COL19A1: variants seen among roughly 807,000 people sequenced by gnomAD.
COL19A1 encodes the protein collagen type XIX alpha 1 chain.
Under a neutral mutation model 190.2 loss-of-function variants are expected in COL19A1, and 159 were observed. The observed-to-expected ratio is 0.84, with a 90% CI of 0.73 to 0.95. The LOEUF (loss-of-function observed/expected upper bound fraction) is 0.95, where lower values mean the gene tolerates loss of function less well. COL19A1 is among the 40% of genes least tolerant of loss of function. The pLI is 0.00. For synonymous variants in COL19A1, 509 were observed against 458.9 expected, an observed-to-expected ratio of 1.11 and a Z score of -1.39; for missense variants, 1,418 against 1,431.9, an observed-to-expected ratio of 0.99 and a Z score of 0.16.
At chr6:70,137,555 C>T in intron 18 of COL19A1, 130 bp from the exon 19 acceptor site, 2 of 782,784 alleles carry the variant, frequency 2.6e-6, no homozygotes, top group South Asian at 4.0e-5. Flanking sequence ...CAGAACTTTG[C>T]ATTGTCTGTT....
Position 70,175,442 on chromosome 6 carries a change from A to G in COL19A1, c.2623-1078A>G, listed in dbSNP as rs571572517. ...ATAATGTATATTATTTTATTTTTAT[A>G]TAAATCTATGTGGAATTCATATGGG... is the stretch of plus-strand genomic sequence containing the variant. On this transcript the variant is annotated intron_variant, in intron 41 of 50. Coordinates refer to ENST00000620364, the MANE Select transcript of COL19A1 (RefSeq NM_001858.6). 2.0e-5 allele frequency among the ~76,000 whole-genome samples: 3 copies of G among 152,078 alleles called. No individual in the cohort carries two copies. In the East Asian group the frequency reaches 5.8e-4, roughly 29 times the overall value.
rs546764279 is a variant in COL19A1 at position 69,963,703 on chromosome 6, A to G, written c.1026+833A>G. Among the ~76,000 whole-genome samples the G allele has an allele frequency of 2.6e-5, 4 of 152,320 alleles. No individual in the cohort carries two copies. The South Asian group carries it at 8.3e-4, about 32-fold the overall frequency. On this transcript the variant is annotated intron_variant, in intron 11 of 50. Transcript: ENST00000620364. ...GGTGGACAGTGGATCATGAGAGACCAATGGCAGATGCCAGCCCACTAATCT... is the reference window on the plus strand; with the variant it reads ...GGTGGACAGTGGATCATGAGAGACCGATGGCAGATGCCAGCCCACTAATCT...
chr6:70,019,772 A>G (rs1778316117), intron 11 of COL19A1, among the ~76,000 whole-genome samples: 1 of 152,138 alleles, frequency 6.6e-6, no homozygotes. Flanking sequence ...AACACAAGAA[A>G]CAATCTAAAT....
At chr6:70,007,514 T>G (rs1275425437) in intron 11 of COL19A1, among the ~76,000 whole-genome samples, 1 of 151,918 alleles carries the variant, frequency 6.6e-6, no homozygotes, top group Non-Finnish European at 1.5e-5. Flanking sequence ...AAAGGGCCAA[T>G]ATAGCAGGAA....
intron 16 of COL19A1, among the ~76,000 whole-genome samples, chr6:70,108,994 A>C (rs1784128365): frequency 6.6e-6 from 1 of 152,164 alleles, no homozygotes; most frequent in Non-Finnish European, 1.5e-5. Context: ...ACTATGTGTT[A>C]ATCACTATTA....
intron 18 of COL19A1, among the ~76,000 whole-genome samples, chr6:70,131,498 A>G (rs1221720801): frequency 6.6e-6 from 1 of 152,224 alleles, no homozygotes; most frequent in East Asian, 1.9e-4. Context: ...ATTCTGAAAA[A>G]GACATCCAAA....
At chr6:70,063,218 C>T (rs1398254142) in intron 14 of COL19A1, among the ~76,000 whole-genome samples, 2 of 151,950 alleles carry the variant, frequency 1.3e-5, no homozygotes, top group African/African-American at 4.8e-5. Context: ...CAAAATTGAC[C>T]ACATAGTTGG....
chr6:69,875,820 A>G (rs1407458686), intron 1 of COL19A1, among the ~76,000 whole-genome samples: 3 of 152,208 alleles, frequency 2.0e-5, no homozygotes, highest in African/African-American at 4.8e-5. Context: ...CACACAGTCT[A>G]AAGTTCAGTC....
At chr6:70,097,314 A>G (rs1464060191) in intron 15 of COL19A1, among the ~76,000 whole-genome samples, 1 of 151,956 alleles carries the variant, frequency 6.6e-6, no homozygotes, top group African/African-American at 2.4e-5. Flanking sequence ...CCTATGACTG[A>G]TTTATTTTAC....
intron 4 of COL19A1, among the ~76,000 whole-genome samples, chr6:69,923,545 A>G (rs1466286766): frequency 6.6e-6 from 1 of 152,176 alleles, no homozygotes; most frequent in African/African-American, 2.4e-5. Flanking sequence ...ATCAGTGGCA[A>G]TTGTTTAATA....
chr6:70,044,214 A>G (rs1779786012), intron 14 of COL19A1, among the ~76,000 whole-genome samples: 1 of 152,202 alleles, frequency 6.6e-6, no homozygotes, highest in South Asian at 2.1e-4. Context: ...ATTTAAGGGA[A>G]TGTTGTGGTT....
intron 2 of COL19A1, among the ~76,000 whole-genome samples, chr6:69,898,486 T>C (rs1214483676): frequency 6.6e-6 from 1 of 152,178 alleles, no homozygotes; most frequent in Non-Finnish European, 1.5e-5. Flanking sequence ...GTAGAGATCT[T>C]TGCTTTTTAA....
chr6:70,188,145 A>AG lies in COL19A1; in HGVS notation c.2932dup (p.Ala978GlyfsTer34), dbSNP rs765681785. 1.2e-6 allele frequency: 2 copies of AG among 1,613,888 alleles called. No individual in the cohort carries two copies. Among genetic ancestry groups the AG allele is most frequent in the African/African-American group, 2.7e-5 (2 of 74,924 alleles). On this transcript the variant is annotated frameshift_variant, in exon 47 of 51. Coordinates refer to ENST00000620364, the MANE Select transcript of COL19A1 (RefSeq NM_001858.6). LOFTEE classifies it high-confidence loss of function. ...GGAAAACCAGGCCTTACAGGCATGA[A>AG]GGGGGCCATCGGTCCTATGGGTCCA...
chr6:70,151,529 C>A, intron 31 of COL19A1, 91 bp downstream of exon 31: 1 of 1,251,122 alleles, frequency 8.0e-7, no homozygotes, highest in Non-Finnish European at 1.2e-6. Flanking sequence ...AATTGCTTAG[C>A]TGGAACTAAA....
At chr6:70,159,744 C>T (rs1428768886) in intron 34 of COL19A1, among the ~76,000 whole-genome samples, 1 of 151,998 alleles carries the variant, frequency 6.6e-6, no homozygotes, top group African/African-American at 2.4e-5. Context: ...TCCATGGCCA[C>T]ATCATCTAAT....
At chr6:70,178,360 A>C (rs1765944871) in intron 42 of COL19A1, among the ~76,000 whole-genome samples, 1 of 152,214 alleles carries the variant, frequency 6.6e-6, no homozygotes, top group South Asian at 2.1e-4. Context: ...TGGGCAACAG[A>C]GCAAGACCCT....
chr6:70,057,927 C>A lies in COL19A1; in HGVS notation c.1171-10496C>A, dbSNP rs576286386. ...CGACACCTACTAACTGCAAGGCACA[C>A]TGCTGGATAATATGCAGTATGGAAA... is the stretch of plus-strand genomic sequence containing the variant. On this transcript the variant is annotated intron_variant, in intron 14 of 50. Transcript: ENST00000620364. Among the ~76,000 whole-genome samples, 3 of 152,144 alleles carry A rather than the reference C, an allele frequency of 2.0e-5. No homozygotes were observed. The South Asian group carries it at 6.2e-4, about 32-fold the overall frequency.
chr6:70,093,189 A>G (rs1270563938), intron 15 of COL19A1, among the ~76,000 whole-genome samples: 1 of 152,140 alleles, frequency 6.6e-6, no homozygotes, highest in African/African-American at 2.4e-5. Context: ...GGCAATGTAT[A>G]TAAAGGCCAA....
chr6:70,031,966 A>G (rs1471152619), intron 12 of COL19A1, among the ~76,000 whole-genome samples: 1 of 152,224 alleles, frequency 6.6e-6, no homozygotes, highest in Non-Finnish European at 1.5e-5. Context: ...GATAAGGAAG[A>G]CATTTTATTC....
Sources: gnomAD v4.1 joint callset for allele counts (sites outside exome capture counted in the v4.1 genomes callset) on GRCh38, gnomAD v4.1.1 for gene constraint, MANE v1.5 for transcripts, NCBI Gene and HGNC (gene_info 2026-07-23, HGNC 2026-07-21) for gene names.